SYT13: variants seen among roughly 807,000 people sequenced by gnomAD.
SYT13 encodes the protein synaptotagmin 13.
Under a neutral mutation model 38.6 loss-of-function variants are expected in SYT13, and 21 were observed. The observed-to-expected ratio is 0.54, with a 90% CI of 0.39 to 0.78. SYT13 has a LOEUF of 0.78. SYT13 is among the 30% of genes least tolerant of loss of function. The pLI, the probability that SYT13 is intolerant of heterozygous loss-of-function variation, is 0.00. For missense variants in SYT13, 495 were observed against 548.7 expected (o/e 0.90, Z 0.98); for synonymous variants, 241 against 237.6 (o/e 1.01, Z -0.13).
chr11:45,252,674 C>T lies in SYT13; in HGVS notation c.593G>A (p.Ser198Asn), dbSNP rs1008197037. The change falls in exon 4 of 6, where the codon AGT becomes AAT. Residue 198 changes from serine (S) to asparagine (N), a missense_variant. By Grantham distance (46) the Ser-to-Asn change is conservative. Transcript: ENST00000020926. The surrounding 1 kb of genome is among the most constrained non-coding windows in gnomAD (Gnocchi z 4.3). ...CACAGAGCCGGTCCTATTGGCCACA[C>T]TCCCTTGGACGTAGCAGTCACAGCC... ...DGGCDCYVQG[S>N]VANRTGSVEA... 12 of 1,598,220 alleles carry T rather than the reference C, an allele frequency of 7.5e-6. No individual in the cohort carries two copies. The highest frequency in any genetic ancestry group is 1.3e-5 in the African/African-American group (1 of 74,658).
intron 1 of SYT13, among the ~76,000 whole-genome samples, chr11:45,262,899 A>G (rs1854836760): frequency 6.6e-6 from 1 of 152,214 alleles, no homozygotes; most frequent in Non-Finnish European, 1.5e-5. Context: ...GTGAGCAGGA[A>G]GACAGGCAAT....
chr11:45,268,990 G>A (rs1854917340), intron 1 of SYT13, among the ~76,000 whole-genome samples: 1 of 152,146 alleles, frequency 6.6e-6, no homozygotes, highest in Non-Finnish European at 1.5e-5. Flanking sequence ...TAATAACTAT[G>A]ATGGAGAACA....
intron 4 of SYT13, among the ~76,000 whole-genome samples, chr11:45,247,285 G>A (rs1854624973): frequency 6.6e-6 from 1 of 152,194 alleles, no homozygotes; most frequent in African/African-American, 2.4e-5. Flanking sequence ...TCCAAGCTCT[G>A]GGGAGACCTG....
At chr11:45,279,295 G>C (rs1033591884) in intron 1 of SYT13, among the ~76,000 whole-genome samples, 1 of 152,152 alleles carries the variant, frequency 6.6e-6, no homozygotes, top group African/African-American at 2.4e-5. Context: ...AATTAATATG[G>C]TTATGGCCAT....
At position 45,242,554 on chromosome 11, in the gene SYT13, G is replaced by A. The variant is rs1482210559; in HGVS notation, c.*1498C>T. On this transcript the variant is annotated 3_prime_UTR_variant, in exon 6 of 6. Transcript: ENST00000020926. ...ACTGCACTCCAGCCTGGGCAACAAA[G>A]AGCAAAACTCCGTCTAAAAAAAAAG... is the stretch of plus-strand genomic sequence containing the variant. The A allele has an allele frequency of 1.3e-5, 2 of 152,136 alleles. No individual in the cohort carries two copies. The highest frequency in any genetic ancestry group is 3.9e-4 in the East Asian group (2 of 5,188). The allele number at this position is 152,136 out of a possible 1,614,324, so 9.4% of individuals were successfully genotyped here. A position where few individuals can be genotyped will look rare whatever the true frequency, so the allele number is the denominator to read the frequency against.
Position 45,252,679 on chromosome 11 carries a change from T to C in SYT13, c.588A>G (p.Gln196=). The C allele has an allele frequency of 1.3e-6, 2 of 1,598,156 alleles. No individual in the cohort carries two copies. Among genetic ancestry groups the C allele is most frequent in the Non-Finnish European group, 1.7e-6 (2 of 1,167,524 alleles). The change falls in exon 4 of 6, where the codon CAA becomes CAG. Residue 196 remains glutamine, a synonymous_variant. Coordinates refer to ENST00000020926, the MANE Select transcript of SYT13 (RefSeq NM_020826.3). This position sits in a 1 kb window ranked among gnomAD's most constrained non-coding sequence, Gnocchi z 4.3. ...NHDGGCDCYV[Q]GSVANRTGSV... ...AGCCGGTCCTATTGGCCACACTCCC[T>C]TGGACGTAGCAGTCACAGCCTCCGT...
At chr11:45,262,770 A>AC (rs752434675) in intron 1 of SYT13, among the ~76,000 whole-genome samples, 17,633 of 75,512 alleles carry the variant, frequency 0.23, 1,814 homozygotes, top group South Asian at 0.3. Context: ...CACACACACA[A>AC]ATTGAACTGT....
chr11:45,264,551 G>C (rs4462326), intron 1 of SYT13, among the ~76,000 whole-genome samples: 2,020 of 152,250 alleles, frequency 0.013, 42 homozygotes, highest in African/African-American at 0.046. Flanking sequence ...GGAGGTAGAG[G>C]TTGCCCCAGT....
At chr11:45,254,803 G>A (rs897407693) in intron 2 of SYT13, among the ~76,000 whole-genome samples, 1 of 152,170 alleles carries the variant, frequency 6.6e-6, no homozygotes, top group African/African-American at 2.4e-5. Flanking sequence ...CTGATGAAAA[G>A]GAGAGTAGAA....
intron 1 of SYT13, among the ~76,000 whole-genome samples, chr11:45,281,055 G>C (rs947255805): frequency 6.6e-6 from 1 of 152,074 alleles, no homozygotes; most frequent in Non-Finnish European, 1.5e-5. Flanking sequence ...GATTAGCCGG[G>C]CATGGTGGTA....
chr11:45,284,078 G>C (rs1207427672), intron 1 of SYT13, among the ~76,000 whole-genome samples: 2 of 152,210 alleles, frequency 1.3e-5, no homozygotes, highest in Admixed American at 6.5e-5. Flanking sequence ...TGTATGAAAG[G>C]CCAGAGAAAA....
intron 1 of SYT13, 91 bp downstream of exon 1, chr11:45,285,934 T>A: frequency 7.2e-7 from 1 of 1,390,336 alleles, no homozygotes; most frequent in Non-Finnish European, 9.5e-7. Context: ...CGCGCAAAGA[T>A]CCACGACCGC....
chr11:45,244,035 G>A lies in SYT13; in HGVS notation c.*17C>T, dbSNP rs201235940. On this transcript the variant is annotated 3_prime_UTR_variant, in exon 6 of 6. Coordinates refer to ENST00000020926, the MANE Select transcript of SYT13 (RefSeq NM_020826.3). ...CGGGTCAGGGCTGTCCAAGAAGGGAGGCAGCTGGGCAGCTGGTTACAGGTG... is the reference window on the plus strand; with the variant it reads ...CGGGTCAGGGCTGTCCAAGAAGGGAAGCAGCTGGGCAGCTGGTTACAGGTG... 10 of 1,578,672 alleles carry A rather than the reference G, an allele frequency of 6.3e-6. No individual in the cohort carries two copies. Among genetic ancestry groups the A allele is most frequent in the African/African-American group, 2.7e-5 (2 of 74,752 alleles).
chr11:45,267,574 A>T (rs1231582553), intron 1 of SYT13, among the ~76,000 whole-genome samples: 1 of 151,952 alleles, frequency 6.6e-6, no homozygotes, highest in Non-Finnish European at 1.5e-5. Flanking sequence ...GTAGAGGTAG[A>T]CACCCCCTCT....
chr11:45,279,856 C>A (rs180797491), intron 1 of SYT13, among the ~76,000 whole-genome samples: 434 of 152,152 alleles, frequency 2.9e-3, no homozygotes, highest in Admixed American at 5.4e-3. Context: ...GTGGGGTTAG[C>A]AATTCATGGG....
At chr11:45,258,200 G>C (rs1854771966) in intron 1 of SYT13, among the ~76,000 whole-genome samples, 1 of 152,162 alleles carries the variant, frequency 6.6e-6, no homozygotes, top group Non-Finnish European at 1.5e-5. Context: ...CATTTTTCCT[G>C]CCTCCAAATC....
rs781159327 is a variant in SYT13 at position 45,286,229 on chromosome 11, G to T, written c.-22C>A. On this transcript the variant is annotated 5_prime_UTR_variant, in exon 1 of 6. Coordinates refer to ENST00000020926, the MANE Select transcript of SYT13 (RefSeq NM_020826.3). Reference sequence around the variant, plus strand: ...CCATGGTGCCCGCTCCCGGCGAGGGGCTGGGTCCCGCAGCCGCTCACCTTC... The same window carrying T: ...CCATGGTGCCCGCTCCCGGCGAGGGTCTGGGTCCCGCAGCCGCTCACCTTC... The T allele has an allele frequency of 2.0e-6, 3 of 1,519,086 alleles. No homozygotes were observed. Among genetic ancestry groups the T allele is most frequent in the Non-Finnish European group, 1.8e-6 (2 of 1,135,366 alleles). The allele number at this position is 1,519,086 out of a possible 1,614,324, so 94.1% of individuals were successfully genotyped here. A position where few individuals can be genotyped will look rare whatever the true frequency, so the allele number is the denominator to read the frequency against.
intron 1 of SYT13, among the ~76,000 whole-genome samples, chr11:45,277,038 G>A (rs182765243): frequency 1.2e-3 from 190 of 152,274 alleles, no homozygotes; most frequent in Middle Eastern, 3.4e-3. Flanking sequence ...AAAATGCCAT[G>A]TACCCATACA....
At chr11:45,266,871 C>G (rs1360969437) in intron 1 of SYT13, among the ~76,000 whole-genome samples, 1 of 152,130 alleles carries the variant, frequency 6.6e-6, no homozygotes, top group Non-Finnish European at 1.5e-5. Context: ...CATGGCTAGC[C>G]AGTCACTTAT....
Sources: gnomAD v4.1 joint callset for allele counts (sites outside exome capture counted in the v4.1 genomes callset) on GRCh38, gnomAD v4.1.1 for gene constraint, Gnocchi (gnomAD v3.1) non-coding constraint, MANE v1.5 for transcripts, NCBI Gene and HGNC (gene_info 2026-07-23, HGNC 2026-07-21) for gene names.